The following PACRGL variants were observed in gnomAD, a reference collection of about 807,000 sequenced individuals.
PACRGL encodes PACRG-like protein.
In PACRGL, 38 loss-of-function variants were observed where a neutral mutation model predicts 34.5. That is an observed-to-expected ratio of 1.10 (90% CI 0.85 to 1.44). PACRGL has a LOEUF of 1.44. Ranked by LOEUF, PACRGL falls within the 40% of genes most tolerant of loss-of-function variation. PACRGL has a pLI of 0.00. For synonymous variants in PACRGL, 128 were observed against 100.1 expected (o/e 1.28, Z -1.66); for missense variants, 305 against 281.4 (o/e 1.08, Z -0.60).
chr4:20,715,743 T>G (rs1739621419), intron 7 of PACRGL, among the ~76,000 whole-genome samples: 1 of 152,100 alleles, frequency 6.6e-6, no homozygotes, highest in African/African-American at 2.4e-5. Context: ...GGCATACACC[T>G]GTAGTCCCAG....
intron 7 of PACRGL, among the ~76,000 whole-genome samples, chr4:20,723,228 G>A (rs927470967): frequency 1.3e-5 from 2 of 152,156 alleles, no homozygotes; most frequent in Non-Finnish European, 2.9e-5. Flanking sequence ...ATGTCAGGGG[G>A]TGTGGCTGAC....
chr4:20,703,511 T>TGTGTGTG (rs59363888), intron 1 of PACRGL, among the ~76,000 whole-genome samples: 115 of 95,672 alleles, frequency 1.2e-3, no homozygotes, highest in African/African-American at 3.5e-3. Flanking sequence ...TGTGTGTGTG[T>TGTGTGTG]TTGTGTGTGT....
At chr4:20,698,439 T>G (rs1447918348), upstream of PACRGL, among the ~76,000 whole-genome samples, 1 of 152,176 alleles carries the variant, frequency 6.6e-6, no homozygotes, top group South Asian at 2.1e-4. Flanking sequence ...ATCGCCCAAC[T>G]CAGCGTCTAC....
At chr4:20,713,872 A>G (rs1380137913) in intron 7 of PACRGL, among the ~76,000 whole-genome samples, 1 of 152,106 alleles carries the variant, frequency 6.6e-6, no homozygotes, top group African/African-American at 2.4e-5. Flanking sequence ...CAAGTTTGTT[A>G]TGATTTCTGT....
At chr4:20,703,079 G>A (rs1732914707) in intron 1 of PACRGL, among the ~76,000 whole-genome samples, 2 of 152,180 alleles carry the variant, frequency 1.3e-5, no homozygotes, top group Admixed American at 6.5e-5. Context: ...AACTTGTTAA[G>A]TGGATTAAAA....
chr4:20,758,729 A>C, the PACRGL span: 1 of 934,272 alleles, frequency 1.1e-6, no homozygotes. Flanking sequence ...AACGATTAAA[A>C]ATGTAGCATC....
chr4:20,714,992 C>A (rs903220668), intron 7 of PACRGL, among the ~76,000 whole-genome samples: 1 of 152,134 alleles, frequency 6.6e-6, no homozygotes, highest in Non-Finnish European at 1.5e-5. Context: ...TATCGTGGCA[C>A]TACTCAAAAT....
intron 8 of PACRGL, among the ~76,000 whole-genome samples, chr4:20,726,344 A>T (rs1311019547): frequency 6.6e-6 from 1 of 152,210 alleles, no homozygotes; most frequent in Non-Finnish European, 1.5e-5. Context: ...ATTTTAAAAA[A>T]GATTTTGTAG....
At chr4:20,697,957 A>T (rs565234143), upstream of PACRGL, among the ~76,000 whole-genome samples, 57 of 152,260 alleles carry the variant, frequency 3.7e-4, no homozygotes, top group Non-Finnish European at 6.3e-4. Context: ...CAATCTATGA[A>T]TTTTGGAGGA....
downstream of PACRGL, among the ~76,000 whole-genome samples, chr4:20,737,430 TA>T (rs1749889035): frequency 6.6e-6 from 1 of 152,032 alleles, no homozygotes; most frequent in South Asian, 2.1e-4. Context: ...GAGAAGAATC[TA>T]AAAAGAGTAA....
intron 3 of PACRGL, among the ~76,000 whole-genome samples, chr4:20,706,853 C>G (rs913001685): frequency 3.4e-4 from 51 of 152,148 alleles, no homozygotes; most frequent in Admixed American, 7.9e-4. Context: ...GGATTACAGG[C>G]TTGAGCCACT....
intron 8 of PACRGL, among the ~76,000 whole-genome samples, chr4:20,739,077 G>C (rs544492694): frequency 1.3e-4 from 19 of 151,972 alleles, no homozygotes; most frequent in African/African-American, 4.6e-4. Flanking sequence ...ACTAGGTAAA[G>C]CAGCCAGGAA....
At chr4:20,745,550 T>A (rs984461568) in intron 8 of PACRGL, among the ~76,000 whole-genome samples, 1 of 152,172 alleles carries the variant, frequency 6.6e-6, no homozygotes, top group Middle Eastern at 3.2e-3. Context: ...AATGAGTACT[T>A]TGCACAATTA....
In PACRGL at chr4:20,730,799, T is replaced by A. The variant is rs573886704; in HGVS notation, c.*3458T>A. On this transcript the variant is annotated 3_prime_UTR_variant, in exon 9 of 9. Transcript: ENST00000503585. ...TTAGGGGACAGACTTTGGGCATTATTGGAGCACTTGTCAGTTGCATGTGAA... is the reference window on the plus strand; with the variant it reads ...TTAGGGGACAGACTTTGGGCATTATAGGAGCACTTGTCAGTTGCATGTGAA... 4.3e-3 allele frequency among the ~76,000 whole-genome samples: 648 copies of A among 152,278 alleles called. 6 individuals are homozygous for A. Among genetic ancestry groups the A allele is most frequent in the African/African-American group, 0.014 (599 of 41,558 alleles).
In PACRGL at chr4:20,700,696, C is replaced by T. The variant is rs1441227049; in HGVS notation, c.-108C>T. The T allele has an allele frequency of 1.3e-5, 2 of 152,152 alleles. No individual in the cohort carries two copies. Among genetic ancestry groups the T allele is most frequent in the African/African-American group, 4.8e-5 (2 of 41,432 alleles). The allele number at this position is 152,152 out of a possible 1,614,324, so 9.4% of individuals were successfully genotyped here. ...GGCCGCTGGACCCCGTTGCTAAGGA[C>T]CCTTGAGATCGTGAGCGCTTGGAGT... On this transcript the variant is annotated 5_prime_UTR_variant, in exon 1 of 9. Coordinates refer to ENST00000503585, the MANE Select transcript of PACRGL (RefSeq NM_001258345.3).
chr4:20,711,797 A>G (rs1205652821), intron 5 of PACRGL, among the ~76,000 whole-genome samples: 1 of 152,198 alleles, frequency 6.6e-6, no homozygotes, highest in Admixed American at 6.5e-5. Flanking sequence ...GGTGAAAGGC[A>G]TAGTGAGATA....
chr4:20,755,438 G>C (rs979521346), downstream of PACRGL, among the ~76,000 whole-genome samples: 3 of 152,166 alleles, frequency 2.0e-5, no homozygotes, highest in Non-Finnish European at 2.9e-5. Context: ...CAGCCACCAT[G>C]TGAGGTGGGT....
upstream of PACRGL, among the ~76,000 whole-genome samples, chr4:20,698,604 A>G (rs1241511528): frequency 6.6e-6 from 1 of 152,200 alleles, no homozygotes. Flanking sequence ...CTTATTGCAT[A>G]ATATCCTGAT....
the PACRGL span, among the ~76,000 whole-genome samples, chr4:20,763,185 A>T: frequency 6.6e-6 from 1 of 152,200 alleles, no homozygotes; most frequent in Non-Finnish European, 1.5e-5. Context: ...ACCTAACCTG[A>T]AAATCTGAAA....
Sources: allele counts gnomAD v4.1 joint callset (sites outside exome capture counted in the v4.1 genomes callset), GRCh38; gene constraint gnomAD v4.1.1; transcripts MANE v1.5; gene names NCBI Gene and HGNC (gene_info 2026-07-23, HGNC 2026-07-21).